Variants in NOVA1 observed in about 807,000 individuals in gnomAD.
NOVA1 encodes the protein NOVA alternative splicing regulator 1.
Under a neutral mutation model 38.0 loss-of-function variants are expected in NOVA1, and 7 were observed. The observed-to-expected ratio is 0.18, with a 90% CI of 0.10 to 0.35. The LOEUF (loss-of-function observed/expected upper bound fraction) is 0.35. Among genes scored for constraint, NOVA1 ranks in the 10% least tolerant of loss-of-function variants. NOVA1 has a pLI of 1.00. For synonymous variants in NOVA1, 270 were observed against 232.5 expected, an observed-to-expected ratio of 1.16 and a Z score of -1.47; for missense variants, 460 against 616.0, an observed-to-expected ratio of 0.75 and a Z score of 2.68.
intron 2 of NOVA1, among the ~76,000 whole-genome samples, chr14:26,525,874 G>C (rs1009647197): frequency 1.1e-4 from 16 of 151,978 alleles, no homozygotes; most frequent in African/African-American, 3.9e-4. Flanking sequence ...AGGGGCGTCA[G>C]GGATCATTTT....
intron 2 of NOVA1, among the ~76,000 whole-genome samples, chr14:26,581,104 T>C (rs2138767464): frequency 6.6e-6 from 1 of 152,130 alleles, no homozygotes. Flanking sequence ...TACAAGAAGA[T>C]TAAATGACTG....
intron 4 of NOVA1, among the ~76,000 whole-genome samples, chr14:26,465,382 G>C (rs1227073273): frequency 6.6e-6 from 1 of 152,112 alleles, no homozygotes; most frequent in African/African-American, 2.4e-5. Flanking sequence ...TGTTGGCCAG[G>C]CTGGTCTTGA....
chr14:26,510,519 T>C (rs1887988815), intron 2 of NOVA1, among the ~76,000 whole-genome samples: 1 of 152,212 alleles, frequency 6.6e-6, no homozygotes, highest in South Asian at 2.1e-4. Context: ...ACATACTCTC[T>C]TTTAAAAGGC....
chr14:26,459,553 T>C (rs1490879303), intron 4 of NOVA1, among the ~76,000 whole-genome samples: 4 of 152,232 alleles, frequency 2.6e-5, no homozygotes, highest in East Asian at 1.9e-4. Context: ...AAATAGTGAG[T>C]TGATAAATGA....
intron 2 of NOVA1, among the ~76,000 whole-genome samples, chr14:26,481,965 A>T (rs1885486162): frequency 6.9e-6 from 1 of 144,072 alleles, no homozygotes; most frequent in Non-Finnish European, 1.5e-5. Context: ...GTGGATGCCA[A>T]AACAGTCTAA....
chr14:26,460,066 G>T (rs1468194929), intron 4 of NOVA1, among the ~76,000 whole-genome samples: 1 of 151,576 alleles, frequency 6.6e-6, no homozygotes, highest in Admixed American at 6.6e-5. Context: ...TTTCCTAAAG[G>T]CAATACTTAT....
chr14:26,547,541 A>C (rs183355359), intron 2 of NOVA1, among the ~76,000 whole-genome samples: 45 of 152,254 alleles, frequency 3.0e-4, no homozygotes, highest in African/African-American at 1.1e-3. Flanking sequence ...TATCATCTAC[A>C]TAAAGTCTAA....
rs747693491 is a variant in NOVA1 at position 26,448,364 on chromosome 14, G to A, written c.1119C>T (p.Gly373=). ...TCCCCGCCGTACCACCAGCTGTGCT[G>A]CCACTGGCTGAGGCTTCACTGGCAT... ...ATYASEASAS[G]STAGGTAGTF... The change falls in exon 5 of 5, where the codon GGC becomes GGT. Residue 373 remains glycine, a synonymous_variant. Coordinates refer to ENST00000539517, the MANE Select transcript of NOVA1 (RefSeq NM_002515.3). The surrounding 1 kb of genome is among the most constrained non-coding windows in gnomAD (Gnocchi z 5.3). 1.2e-5 allele frequency: 19 copies of A among 1,613,866 alleles called. No individual in the cohort carries two copies. In the African/African-American group the frequency reaches 1.7e-4, roughly 15 times the overall value.
chr14:26,596,109 G>A (rs547405574), intron 1 of NOVA1: 33 of 235,182 alleles, frequency 1.4e-4, no homozygotes, highest in African/African-American at 6.1e-4. Flanking sequence ...ACTGTGGGGT[G>A]TATTCCAAGT....
intron 2 of NOVA1, among the ~76,000 whole-genome samples, chr14:26,528,300 T>A (rs1411847797): frequency 2.6e-5 from 4 of 152,156 alleles, no homozygotes; most frequent in African/African-American, 4.8e-5. Context: ...ATGATAATGA[T>A]GATGAATATG....
Position 26,597,560 on chromosome 14 carries a change from T to C in NOVA1, c.-124A>G, listed in dbSNP as rs2138838621. 8.1e-7 allele frequency: 1 copy of C among 1,230,486 alleles called. No individual in the cohort carries two copies. The highest frequency in any genetic ancestry group is 1.0e-6 in the Non-Finnish European group (1 of 984,684). 76.2% of individuals were successfully genotyped at this position (1,230,486 alleles called of 1,614,324 possible). On this transcript the variant is annotated 5_prime_UTR_variant, in exon 1 of 5. Coordinates refer to ENST00000539517, the MANE Select transcript of NOVA1 (RefSeq NM_002515.3). ...TGGGGTTTCTTAAGGTTTTTTTTTT[T>C]TAATCGGATCAATATAAATCTCTTT...
Position 26,447,015 on chromosome 14 carries a change from C to T in NOVA1, c.*944G>A, listed in dbSNP as rs1015418223. 2.0e-5 allele frequency: 3 copies of T among 152,618 alleles called. No individual in the cohort carries two copies. Among genetic ancestry groups the T allele is most frequent in the Admixed American group, 6.5e-5 (1 of 15,280 alleles). The allele number at this position is 152,618 out of a possible 1,614,324, so 9.5% of individuals were successfully genotyped here. On this transcript the variant is annotated 3_prime_UTR_variant, in exon 5 of 5. Coordinates refer to ENST00000539517, the MANE Select transcript of NOVA1 (RefSeq NM_002515.3). ...AGGTTTCTAGTGTTAACAAATTATA[C>T]ACAATTATAAGCTCTTAAAATGCAA...
chr14:26,450,479 T>C (rs1176038889), intron 4 of NOVA1, among the ~76,000 whole-genome samples: 1 of 152,134 alleles, frequency 6.6e-6, no homozygotes, highest in Non-Finnish European at 1.5e-5. Flanking sequence ...AATTTATTAA[T>C]ACAATCATTT....
chr14:26,504,379 C>T (rs1403329260), intron 2 of NOVA1, among the ~76,000 whole-genome samples: 1 of 152,138 alleles, frequency 6.6e-6, no homozygotes, highest in Non-Finnish European at 1.5e-5. Context: ...CTCAATTAAT[C>T]AAATTTCCAA....
chr14:26,503,451 TC>T (rs1421617034), intron 2 of NOVA1, among the ~76,000 whole-genome samples: 1 of 151,992 alleles, frequency 6.6e-6, no homozygotes, highest in Non-Finnish European at 1.5e-5. Context: ...AAACCAAACT[TC>T]CATCAAATAT....
At chr14:26,542,757 A>G (rs1890549609) in intron 2 of NOVA1, among the ~76,000 whole-genome samples, 1 of 151,002 alleles carries the variant, frequency 6.6e-6, no homozygotes, top group South Asian at 2.1e-4. Flanking sequence ...AAAAAGTAGT[A>G]ATGGGGTGAC....
intron 2 of NOVA1, among the ~76,000 whole-genome samples, chr14:26,554,352 A>G (rs1013251350): frequency 6.7e-6 from 1 of 149,134 alleles, no homozygotes; most frequent in Non-Finnish European, 1.5e-5. Flanking sequence ...GGTATATGAG[A>G]AAAAAAAACA....
chr14:26,528,066 TTTAA>T (rs2138535972), intron 2 of NOVA1, among the ~76,000 whole-genome samples: 1 of 152,172 alleles, frequency 6.6e-6, no homozygotes, highest in African/African-American at 2.4e-5. Context: ...AAACAGAATG[TTTAA>T]TTATGAGGTT....
intron 2 of NOVA1, among the ~76,000 whole-genome samples, chr14:26,523,734 CT>C (rs1468575673): frequency 2.7e-5 from 4 of 149,548 alleles, no homozygotes; most frequent in Non-Finnish European, 4.4e-5. Flanking sequence ...TTTTTTTTCC[CT>C]ATCCACTTGA....
Sources: allele counts gnomAD v4.1 joint callset (sites outside exome capture counted in the v4.1 genomes callset), GRCh38; gene constraint gnomAD v4.1.1; non-coding constraint Gnocchi (gnomAD v3.1); transcripts MANE v1.5; gene names NCBI Gene and HGNC (gene_info 2026-07-23, HGNC 2026-07-21).